DCDC1: variants seen among roughly 807,000 people sequenced by gnomAD.
DCDC1 encodes the protein doublecortin domain containing 1.
DCDC1 carries 200 observed loss-of-function variants against 178.3 expected under a neutral mutation model. The observed-to-expected ratio is 1.12, with a 90% CI of 1.00 to 1.26. DCDC1 has a LOEUF of 1.26. DCDC1 is among the 50% of genes most tolerant of loss of function. The probability of loss-of-function intolerance (pLI) is 0.00; values close to 1 mark genes in which losing one functional copy is unlikely to be tolerated. For missense variants in DCDC1, 1,983 were observed against 1,749.2 expected (o/e 1.13, Z -2.38); for synonymous variants, 690 against 604.8 (o/e 1.14, Z -2.07).
intron 20 of DCDC1, among the ~76,000 whole-genome samples, chr11:31,046,080 T>C (rs760204842): frequency 1.3e-5 from 2 of 152,162 alleles, no homozygotes; most frequent in South Asian, 2.1e-4. Context: ...ATCAAGACAC[T>C]AGACTGTTCA....
intron 32 of DCDC1, 112 bp downstream of exon 32, chr11:30,903,370 C>T: frequency 9.2e-7 from 1 of 1,085,512 alleles, no homozygotes; most frequent in East Asian, 2.8e-5. Flanking sequence ...ACAAAAGTAG[C>T]TTCCTATGAT....
At chr11:30,873,130 A>G (rs1032241250) in intron 38 of DCDC1, among the ~76,000 whole-genome samples, 2 of 147,222 alleles carry the variant, frequency 1.4e-5, no homozygotes, top group African/African-American at 2.6e-5. Context: ...TATCTTCTGC[A>G]TATATATACA....
intron 9 of DCDC1, among the ~76,000 whole-genome samples, chr11:31,189,465 A>G (rs1054587896): frequency 6.6e-6 from 1 of 152,192 alleles, no homozygotes; most frequent in Non-Finnish European, 1.5e-5. Context: ...CCACTATATT[A>G]GTCTTCTATG....
chr11:31,182,962 A>AT (rs1408563913), intron 9 of DCDC1, among the ~76,000 whole-genome samples: 1 of 152,188 alleles, frequency 6.6e-6, no homozygotes, highest in Admixed American at 6.5e-5. Context: ...CTAATCTCTG[A>AT]TAAAACAGAC....
chr11:31,202,755 A>G (rs1405246326), intron 9 of DCDC1, among the ~76,000 whole-genome samples: 2 of 152,214 alleles, frequency 1.3e-5, no homozygotes, highest in Non-Finnish European at 2.9e-5. Context: ...CAAAGTGTGG[A>G]AGCAGACAGA....
At chr11:31,292,512 A>T (rs1947305474) in intron 6 of DCDC1, among the ~76,000 whole-genome samples, 2 of 152,206 alleles carry the variant, frequency 1.3e-5, no homozygotes, top group Non-Finnish European at 2.9e-5. Context: ...AGCCAGACAT[A>T]AAAAAGGTGA....
At chr11:31,367,502 G>T (rs1952022955) in intron 1 of DCDC1, among the ~76,000 whole-genome samples, 1 of 152,188 alleles carries the variant, frequency 6.6e-6, no homozygotes, top group Non-Finnish European at 1.5e-5. Flanking sequence ...AGATAATAGG[G>T]GAGGTTGGAA....
At chr11:31,204,851 A>G (rs1299913124) in intron 9 of DCDC1, among the ~76,000 whole-genome samples, 1 of 152,172 alleles carries the variant, frequency 6.6e-6, no homozygotes, top group East Asian at 1.9e-4. Flanking sequence ...CAAACAAAAA[A>G]CAAACAAAAA....
intron 1 of DCDC1, among the ~76,000 whole-genome samples, chr11:31,341,203 G>T (rs1298215892): frequency 6.6e-6 from 1 of 152,100 alleles, no homozygotes; most frequent in Non-Finnish European, 1.5e-5. Flanking sequence ...TGCATTTCAA[G>T]ACAAAGTTCT....
chr11:31,069,325 A>G (rs1956426554), intron 18 of DCDC1, among the ~76,000 whole-genome samples: 1 of 152,214 alleles, frequency 6.6e-6, no homozygotes, highest in South Asian at 2.1e-4. Flanking sequence ...ATCCAAAAAA[A>G]ATTAGGATTT....
At chr11:31,151,194 C>T (rs771000486) in intron 9 of DCDC1, among the ~76,000 whole-genome samples, 2 of 152,250 alleles carry the variant, frequency 1.3e-5, no homozygotes, top group Admixed American at 1.3e-4. Context: ...GGATTCAAAT[C>T]CAGGCATGTC....
chr11:31,115,989 G>T lies in DCDC1; in HGVS notation c.1486-5628C>A, dbSNP rs1014576577. 4.5e-5 allele frequency among the ~76,000 whole-genome samples: 6 copies of T among 134,430 alleles called. 1 individual carries two copies. The highest frequency in any genetic ancestry group is 1.3e-4 in the African/African-American group (5 of 38,254). 88.2% of individuals were successfully genotyped at this position (134,430 alleles called of 152,430 possible). A position where few individuals can be genotyped will look rare whatever the true frequency, so the allele number is the denominator to read the frequency against. ...GGATATAGCTGTGGCAGTGGGGGGG[G>T]GGGGGATGGGTATCTCAGTCCTGAG... is the stretch of plus-strand genomic sequence containing the variant. On this transcript the variant is annotated intron_variant, in intron 11 of 38. Coordinates refer to ENST00000684477, the MANE Select transcript of DCDC1 (RefSeq NM_001387274.1).
intron 21 of DCDC1, among the ~76,000 whole-genome samples, chr11:30,934,319 T>A (rs1254699053): frequency 6.6e-6 from 1 of 152,176 alleles, no homozygotes; most frequent in Non-Finnish European, 1.5e-5. Flanking sequence ...TTTTCAGGTA[T>A]CTTGTGGAAT....
Position 30,899,643 on chromosome 11 carries a change from C to A in DCDC1, c.4664-1G>T. On this transcript the variant is annotated splice_acceptor_variant, in intron 33 of 38. Coordinates refer to ENST00000684477, the MANE Select transcript of DCDC1 (RefSeq NM_001387274.1). LOFTEE classifies it high-confidence loss of function. ...TCTAATTTTTCTGCTTTCTGCAAAG[C>A]TAGAATAATAAAAATACAAGATATT... is the stretch of plus-strand genomic sequence containing the variant. 6.5e-7 allele frequency: 1 copy of A among 1,527,700 alleles called. No individual in the cohort carries two copies. The highest frequency in any genetic ancestry group is 2.3e-5 in the East Asian group (1 of 42,820). 94.6% of individuals were successfully genotyped at this position (1,527,700 alleles called of 1,614,324 possible). A position where few individuals can be genotyped will look rare whatever the true frequency, so the allele number is the denominator to read the frequency against.
intron 22 of DCDC1, among the ~76,000 whole-genome samples, chr11:30,929,058 A>C (rs1190133930): frequency 6.6e-6 from 1 of 152,108 alleles, no homozygotes; most frequent in African/African-American, 2.4e-5. Flanking sequence ...TAAATGAAAT[A>C]GTTATCAAAT....
At chr11:31,177,236 A>G (rs1240786495) in intron 9 of DCDC1, among the ~76,000 whole-genome samples, 1 of 152,136 alleles carries the variant, frequency 6.6e-6, no homozygotes, top group Non-Finnish European at 1.5e-5. Flanking sequence ...ATCCGTTATT[A>G]ACTATAAAAC....
At position 31,225,380 on chromosome 11, in the gene DCDC1, G is replaced by C. The variant is rs374442388; in HGVS notation, c.1221+16070C>G. Among the ~76,000 whole-genome samples the C allele has an allele frequency of 3.4e-5, 5 of 149,072 alleles. No individual in the cohort carries two copies. The South Asian group carries it at 6.4e-4, about 19-fold the overall frequency. On this transcript the variant is annotated intron_variant, in intron 9 of 38. Transcript: ENST00000684477. ...CTTTGGGGACATGGGGGAAAGTTGGGGGGGAGTGAAGGTTAAAAGACTACA... is the reference window on the plus strand; with the variant it reads ...CTTTGGGGACATGGGGGAAAGTTGGCGGGGAGTGAAGGTTAAAAGACTACA...
chr11:31,253,128 A>G (rs1944167432), intron 8 of DCDC1, among the ~76,000 whole-genome samples: 1 of 152,192 alleles, frequency 6.6e-6, no homozygotes, highest in Non-Finnish European at 1.5e-5. Flanking sequence ...AAGCATGAGA[A>G]CTACCAACAA....
intron 20 of DCDC1, among the ~76,000 whole-genome samples, chr11:31,029,005 T>C (rs1953441928): frequency 6.6e-6 from 1 of 152,076 alleles, no homozygotes; most frequent in Non-Finnish European, 1.5e-5. Context: ...GTAAAACAGA[T>C]GCTAAGATTT....
Sources: allele counts gnomAD v4.1 joint callset (sites outside exome capture counted in the v4.1 genomes callset), GRCh38; gene constraint gnomAD v4.1.1; transcripts MANE v1.5; gene names NCBI Gene and HGNC (gene_info 2026-07-23, HGNC 2026-07-21).